FGF14: variants seen among roughly 807,000 people sequenced by gnomAD.
FGF14 encodes fibroblast growth factor 14.
In FGF14, 5 loss-of-function variants were observed where a neutral mutation model predicts 25.5. The ratio of observed to expected loss-of-function variants is 0.20; its 90% CI spans 0.10 to 0.41. The LOEUF is 0.41. Among genes scored for constraint, FGF14 ranks in the 10% least tolerant of loss-of-function variants. FGF14 has a pLI of 1.00. For synonymous variants in FGF14, 138 were observed against 118.3 expected, an observed-to-expected ratio of 1.17 and a Z score of -1.08; for missense variants, 222 against 320.1, an observed-to-expected ratio of 0.69 and a Z score of 2.34.
intron 3 of FGF14, among the ~76,000 whole-genome samples, chr13:101,845,479 T>G (rs2043407760): frequency 6.6e-6 from 1 of 151,844 alleles, no homozygotes; most frequent in African/African-American, 2.4e-5. Context: ...AACTTGAAAA[T>G]ACCCAATGGC....
At chr13:102,329,437 G>A (rs2056566926) in intron 1 of FGF14, among the ~76,000 whole-genome samples, 1 of 152,132 alleles carries the variant, frequency 6.6e-6, no homozygotes, top group African/African-American at 2.4e-5. Flanking sequence ...CTGTGAGCAG[G>A]ACTCAATGTG....
chr13:102,219,350 CCATGCAA>C (rs1361090987), intron 1 of FGF14, among the ~76,000 whole-genome samples: 1 of 152,148 alleles, frequency 6.6e-6, no homozygotes, highest in East Asian at 1.9e-4. Context: ...GCTGCTACCT[CCATGCAA>C]TGGTTACCCC....
chr13:101,915,847 G>A (rs2033419243), intron 1 of FGF14, among the ~76,000 whole-genome samples: 1 of 152,200 alleles, frequency 6.6e-6, no homozygotes, highest in Non-Finnish European at 1.5e-5. Context: ...TTGACTGAAG[G>A]GCTGCAGAGC....
intron 1 of FGF14, among the ~76,000 whole-genome samples, chr13:102,301,317 A>C (rs547272534): frequency 6.6e-6 from 1 of 152,354 alleles, no homozygotes; most frequent in East Asian, 1.9e-4. Context: ...CTTTTTAAAA[A>C]GAGTTTTCAA....
chr13:101,846,979 G>T (rs1036566549), intron 3 of FGF14, among the ~76,000 whole-genome samples: 2 of 151,958 alleles, frequency 1.3e-5, no homozygotes, highest in African/African-American at 4.8e-5. Context: ...TTTCAAGCGG[G>T]TCCTCGATAA....
At chr13:101,922,468 C>G (rs2034069175) in intron 1 of FGF14, among the ~76,000 whole-genome samples, 2 of 152,126 alleles carry the variant, frequency 1.3e-5, no homozygotes, top group African/African-American at 4.8e-5. Flanking sequence ...TGATTCACCA[C>G]TTCTCCACAC....
intron 1 of FGF14, among the ~76,000 whole-genome samples, chr13:102,074,128 C>G (rs572762585): frequency 6.6e-6 from 1 of 152,270 alleles, no homozygotes; most frequent in East Asian, 1.9e-4. Flanking sequence ...CCTAACACCT[C>G]AGCCTCCAAG....
rs1311637472 is a variant in FGF14 at position 101,720,931 on chromosome 13, A to G, written c.*1900T>C. On this transcript the variant is annotated 3_prime_UTR_variant, in exon 5 of 5. Coordinates refer to ENST00000376143, the MANE Select transcript of FGF14 (RefSeq NM_004115.4). Reference sequence around the variant, plus strand: ...AGCATAAACAAACAGTTAAATTTCTACTAAACCTTTAATCAGCTAAGCAGG... The same window carrying G: ...AGCATAAACAAACAGTTAAATTTCTGCTAAACCTTTAATCAGCTAAGCAGG... 6.6e-6 allele frequency: 1 copy of G among 152,164 alleles called. No individual in the cohort carries two copies. The highest frequency in any genetic ancestry group is 1.5e-5 in the Non-Finnish European group (1 of 68,012). The allele number at this position is 152,164 out of a possible 1,614,324, so 9.4% of individuals were successfully genotyped here.
intron 3 of FGF14, among the ~76,000 whole-genome samples, chr13:101,812,372 C>T (rs1448977134): frequency 6.6e-6 from 1 of 151,418 alleles, no homozygotes; most frequent in Non-Finnish European, 1.5e-5. Flanking sequence ...TCTTCATGTT[C>T]TCTAATATCA....
intron 1 of FGF14, among the ~76,000 whole-genome samples, chr13:102,224,915 C>T (rs1382634988): frequency 2.0e-5 from 3 of 152,258 alleles, no homozygotes; most frequent in Admixed American, 6.5e-5. Context: ...GAGCCATAAA[C>T]ATTTTACTCT....
intron 1 of FGF14, among the ~76,000 whole-genome samples, chr13:102,075,114 CAG>C (rs985563677): frequency 3.3e-5 from 5 of 152,106 alleles, no homozygotes; most frequent in African/African-American, 1.2e-4. Flanking sequence ...GCATCCAAGA[CAG>C]AGATGAAAAA....
intron 3 of FGF14, among the ~76,000 whole-genome samples, chr13:101,806,170 C>T (rs2041186802): frequency 6.6e-6 from 1 of 151,468 alleles, no homozygotes; most frequent in African/African-American, 2.4e-5. Context: ...TCCTGTAATC[C>T]CAGCACTTTG....
chr13:101,941,768 C>T (rs115114535), intron 1 of FGF14, among the ~76,000 whole-genome samples: 2,566 of 152,236 alleles, frequency 0.017, 81 homozygotes, highest in African/African-American at 0.058. Context: ...GGAAGAATTC[C>T]CATTCCCATA....
chr13:101,969,758 A>T (rs913182929), intron 1 of FGF14, among the ~76,000 whole-genome samples: 1 of 152,218 alleles, frequency 6.6e-6, no homozygotes, highest in Non-Finnish European at 1.5e-5. Flanking sequence ...TCCAATTAGA[A>T]AAAAGGAATT....
intron 1 of FGF14, among the ~76,000 whole-genome samples, chr13:102,330,132 T>C (rs1473834488): frequency 6.6e-6 from 1 of 152,104 alleles, no homozygotes; most frequent in Non-Finnish European, 1.5e-5. Context: ...TAGAGGACAA[T>C]TCAGTATTGT....
chr13:102,252,596 A>G (rs1212464037), intron 1 of FGF14, among the ~76,000 whole-genome samples: 2 of 152,168 alleles, frequency 1.3e-5, no homozygotes, highest in African/African-American at 4.8e-5. Flanking sequence ...AATATGATGC[A>G]AATGCTATGT....
At chr13:101,953,592 T>A (rs12867300) in intron 1 of FGF14, among the ~76,000 whole-genome samples, 38 of 144,482 alleles carry the variant, frequency 2.6e-4, no homozygotes, top group Non-Finnish European at 6.3e-5. Context: ...ATATATAATT[T>A]TTATTTTTTT....
At chr13:101,745,721 G>T (rs1222180701) in intron 3 of FGF14, among the ~76,000 whole-genome samples, 1 of 151,998 alleles carries the variant, frequency 6.6e-6, no homozygotes, top group East Asian at 1.9e-4. Flanking sequence ...AAATGTAGAT[G>T]GTTTGGAAGA....
At chr13:102,016,724 G>A (rs545309707) in intron 1 of FGF14, among the ~76,000 whole-genome samples, 2 of 152,086 alleles carry the variant, frequency 1.3e-5, no homozygotes, top group South Asian at 4.1e-4. Context: ...GGGCTCAAGT[G>A]ATCCATCTGC....
Sources: allele counts gnomAD v4.1 joint callset (sites outside exome capture counted in the v4.1 genomes callset), GRCh38; gene constraint gnomAD v4.1.1; transcripts MANE v1.5; gene names NCBI Gene and HGNC (gene_info 2026-07-23, HGNC 2026-07-21).